The following FBXO31 variants were observed in gnomAD, a reference collection of about 807,000 sequenced individuals.
FBXO31 encodes the protein F-box only protein 31.
In FBXO31, 24 loss-of-function variants were observed where a neutral mutation model predicts 54.4. That is an observed-to-expected ratio of 0.44 (90% CI 0.32 to 0.62). The LOEUF (loss-of-function observed/expected upper bound fraction) is 0.62. Ranked by LOEUF, FBXO31 falls within the 20% of genes least tolerant of loss-of-function variation. The probability of loss-of-function intolerance (pLI) is 0.05; values close to 1 mark genes in which losing one functional copy is unlikely to be tolerated. For synonymous variants in FBXO31, 388 were observed against 335.6 expected, an observed-to-expected ratio of 1.16 and a Z score of -1.71; for missense variants, 665 against 787.1, an observed-to-expected ratio of 0.84 and a Z score of 1.86.
chr16:87,363,518 A>C (rs1906227419), intron 1 of FBXO31, among the ~76,000 whole-genome samples: 1 of 152,248 alleles, frequency 6.6e-6, no homozygotes, highest in Non-Finnish European at 1.5e-5. Flanking sequence ...GAATTTCTTA[A>C]GTGAAAATTT....
At chr16:87,350,687 T>G (rs1453951409) in intron 2 of FBXO31, among the ~76,000 whole-genome samples, 1 of 152,050 alleles carries the variant, frequency 6.6e-6, no homozygotes. Context: ...TTCCAACTTT[T>G]CTGTTTTCAA....
intron 2 of FBXO31, among the ~76,000 whole-genome samples, chr16:87,351,833 C>T (rs1905673931): frequency 6.6e-6 from 1 of 152,284 alleles, no homozygotes; most frequent in East Asian, 1.9e-4. Flanking sequence ...CATGCCACTG[C>T]ACTCCAGCCT....
At chr16:87,381,623 GTTC>G (rs1448736917) in intron 1 of FBXO31, among the ~76,000 whole-genome samples, 2 of 152,194 alleles carry the variant, frequency 1.3e-5, no homozygotes, top group Non-Finnish European at 2.9e-5. Context: ...TGGAGAAAGG[GTTC>G]TTCTCATGCA....
At position 87,335,501 on chromosome 16, in the gene FBXO31, G is replaced by A. The variant is rs959569786; in HGVS notation, c.843-44C>T. ...TCAGTACAGGAGACCTCGTGGGGCA[G>A]GCAGGACTGAGAACGCCCAAGGTGC... On this transcript the variant is annotated intron_variant, in intron 6 of 8. Coordinates refer to ENST00000311635, the MANE Select transcript of FBXO31 (RefSeq NM_024735.5). This position sits in a 1 kb window ranked among gnomAD's most constrained non-coding sequence, Gnocchi z 5.7. 5 of 1,580,168 alleles carry A rather than the reference G, an allele frequency of 3.2e-6. No individual in the cohort carries two copies. Among genetic ancestry groups the A allele is most frequent in the Non-Finnish European group, 3.4e-6 (4 of 1,163,076 alleles).
At chr16:87,332,482 G>C (rs1904893556) in intron 8 of FBXO31, among the ~76,000 whole-genome samples, 1 of 152,180 alleles carries the variant, frequency 6.6e-6, no homozygotes, top group African/African-American at 2.4e-5. Context: ...ATGTTTGAAG[G>C]GTAACAGAGC....
In FBXO31 at chr16:87,358,258, T is replaced by G. The variant is rs116754073; in HGVS notation, c.412+2037A>C. 0.016 allele frequency among the ~76,000 whole-genome samples: 2,466 copies of G among 152,274 alleles called. 63 individuals are homozygous for G. The highest frequency in any genetic ancestry group is 0.055 in the African/African-American group (2,305 of 41,534). ...TGTCACAGCTGAAGCAGAGCCACGCTGCAGCAAGTGAACGTGAAAGGATGA... is the reference window on the plus strand; with the variant it reads ...TGTCACAGCTGAAGCAGAGCCACGCGGCAGCAAGTGAACGTGAAAGGATGA... On this transcript the variant is annotated intron_variant, in intron 2 of 8. Transcript: ENST00000311635. The surrounding 1 kb of genome is among the most constrained non-coding windows in gnomAD (Gnocchi z 4.0).
intron 1 of FBXO31, among the ~76,000 whole-genome samples, chr16:87,378,028 G>A (rs1213407588): frequency 6.6e-6 from 1 of 151,792 alleles, no homozygotes; most frequent in East Asian, 1.9e-4. Context: ...GCATGGTGGT[G>A]CACACCTGTA....
intron 2 of FBXO31, among the ~76,000 whole-genome samples, chr16:87,351,222 T>C (rs775368588): frequency 2.6e-5 from 4 of 152,196 alleles, no homozygotes; most frequent in Non-Finnish European, 5.9e-5. Flanking sequence ...ATTCAAGAGA[T>C]GAATCCATGG....
At position 87,336,232 on chromosome 16, in the gene FBXO31, C is replaced by T. The variant is rs750094389; in HGVS notation, c.765G>A (p.Gly255=). Residue 255 remains glycine, a synonymous_variant, in exon 6 of 9, where the codon GGG becomes GGA. Coordinates refer to ENST00000311635, the MANE Select transcript of FBXO31 (RefSeq NM_024735.5). The surrounding 1 kb of genome is among the most constrained non-coding windows in gnomAD (Gnocchi z 6.5). ...CGTGGAAGATGTCCTCCAGCGTGCG[C>T]CCCCATTCCTCCCTCAGCCACGTCC... The part of the protein sequence containing the change: ...EFRTWLREEW[G]RTLEDIFHEH... 2.5e-6 allele frequency: 4 copies of T among 1,614,156 alleles called. No individual in the cohort carries two copies. The South Asian group carries it at 4.4e-5, about 18-fold the overall frequency.
rs1905051451 is a variant in FBXO31 at position 87,336,556 on chromosome 16, C to T, written c.733-292G>A. On this transcript the variant is annotated intron_variant, in intron 5 of 8. Transcript: ENST00000311635. This position sits in a 1 kb window ranked among gnomAD's most constrained non-coding sequence, Gnocchi z 6.5. The stretch of plus-strand genomic sequence containing the variant: ...AGCCCAGGTGAGGCGGGGGCCACAG[C>T]CATGACCAGAACTCAGGGTGGGCCT... 6.6e-6 allele frequency among the ~76,000 whole-genome samples: 1 copy of T among 152,150 alleles called. No homozygotes were observed. The highest frequency in any genetic ancestry group is 1.5e-5 in the Non-Finnish European group (1 of 68,028).
At chr16:87,372,090 G>T (rs976054363) in intron 1 of FBXO31, among the ~76,000 whole-genome samples, 11 of 152,052 alleles carry the variant, frequency 7.2e-5, no homozygotes, top group African/African-American at 2.2e-4. Flanking sequence ...CAGGTATGGT[G>T]GCACATGCAT....
chr16:87,331,122 T>C lies in FBXO31; in HGVS notation c.*166A>G. The C allele has an allele frequency of 1.6e-6, 1 of 629,854 alleles. No homozygotes were observed. Among genetic ancestry groups the C allele is most frequent in the Non-Finnish European group, 2.8e-6 (1 of 357,090 alleles). The allele number at this position is 629,854 out of a possible 1,614,324, so 39.0% of individuals were successfully genotyped here. ...GCACTGACAAATATGCAGGTCTATG[T>C]CACACTCTCTACATAAAGTGCTGGG... is the stretch of plus-strand genomic sequence containing the variant. On this transcript the variant is annotated 3_prime_UTR_variant, in exon 9 of 9. Coordinates refer to ENST00000311635, the MANE Select transcript of FBXO31 (RefSeq NM_024735.5).
chr16:87,366,186 C>T (rs1040676732), intron 1 of FBXO31, among the ~76,000 whole-genome samples: 35 of 152,182 alleles, frequency 2.3e-4, no homozygotes, highest in African/African-American at 6.7e-4. Flanking sequence ...GTGAAAACTG[C>T]GGAAATCTGA....
At chr16:87,354,066 T>C (rs1905786952) in intron 2 of FBXO31, among the ~76,000 whole-genome samples, 1 of 152,250 alleles carries the variant, frequency 6.6e-6, no homozygotes, top group African/African-American at 2.4e-5. Context: ...GAATGGACAT[T>C]TGTAAGGAAT....
At chr16:87,388,159 C>T (rs1907390381), upstream of FBXO31, among the ~76,000 whole-genome samples, 1 of 152,228 alleles carries the variant, frequency 6.6e-6, no homozygotes, top group South Asian at 2.1e-4. Context: ...CTGCGGGTCG[C>T]GTGACTGATT....
chr16:87,353,578 T>C (rs1435218503), intron 2 of FBXO31, among the ~76,000 whole-genome samples: 3 of 152,116 alleles, frequency 2.0e-5, no homozygotes. Flanking sequence ...TGCGGCAACG[T>C]GGCCAGAGCA....
At chr16:87,363,667 A>G (rs1468302656) in intron 1 of FBXO31, among the ~76,000 whole-genome samples, 2 of 152,194 alleles carry the variant, frequency 1.3e-5, no homozygotes, top group African/African-American at 2.4e-5. Context: ...CTCTTGCTAC[A>G]TGGTTAAGTG....
chr16:87,341,708 G>A (rs1179995570), intron 5 of FBXO31, among the ~76,000 whole-genome samples: 2 of 148,418 alleles, frequency 1.3e-5, no homozygotes, highest in African/African-American at 5.0e-5. Context: ...ACACACATAC[G>A]TTGTGTTTCT....
chr16:87,344,734 G>C (rs947677572), intron 3 of FBXO31, among the ~76,000 whole-genome samples: 4 of 152,134 alleles, frequency 2.6e-5, no homozygotes, highest in African/African-American at 9.7e-5. Flanking sequence ...CACCCTGTGA[G>C]CTGCCGGGCT....
Sources: gnomAD v4.1 joint callset for allele counts (sites outside exome capture counted in the v4.1 genomes callset) on GRCh38, gnomAD v4.1.1 for gene constraint, Gnocchi (gnomAD v3.1) non-coding constraint, MANE v1.5 for transcripts, NCBI Gene and HGNC (gene_info 2026-07-23, HGNC 2026-07-21) for gene names.